CHRM3: variants seen among roughly 807,000 people sequenced by gnomAD.
CHRM3 encodes the protein cholinergic receptor muscarinic 3.
In CHRM3, 11 loss-of-function variants were observed where a neutral mutation model predicts 41.8. That is an observed-to-expected ratio of 0.26 (90% confidence interval 0.17 to 0.44). CHRM3 has a LOEUF of 0.44. Ranked by LOEUF, CHRM3 falls within the 20% of genes least tolerant of loss-of-function variation. The probability of loss-of-function intolerance (pLI) is 1.00; values close to 1 mark genes in which losing one functional copy is unlikely to be tolerated. For missense variants in CHRM3, 571 were observed against 745.4 expected, an observed-to-expected ratio of 0.77 and a Z score of 2.72; for synonymous variants, 297 against 301.4, an observed-to-expected ratio of 0.99 and a Z score of 0.15.
chr1:239,477,028 C>A (rs1180369787), intron 1 of CHRM3, among the ~76,000 whole-genome samples: 3 of 152,258 alleles, frequency 2.0e-5, no homozygotes, highest in South Asian at 2.1e-4. Flanking sequence ...GTATTCTGGG[C>A]TTTTGGATCA....
chr1:239,824,657 G>A lies in CHRM3; in HGVS notation c.-146-2595G>A, dbSNP rs559865073. ...ACAAGAAAATACTGACCAAAAGTCA[G>A]CCTTGTAAAACAGAGTTAGCTGTTA... On this transcript the variant is annotated intron_variant, in intron 5 of 6. Transcript: ENST00000676153. Among the ~76,000 whole-genome samples the A allele has an allele frequency of 1.2e-4, 18 of 152,290 alleles. No individual in the cohort carries two copies. In the South Asian group the frequency reaches 3.5e-3, roughly 30 times the overall value.
At chr1:239,538,662 A>G (rs970296097) in intron 2 of CHRM3, among the ~76,000 whole-genome samples, 2 of 152,252 alleles carry the variant, frequency 1.3e-5, no homozygotes, top group Non-Finnish European at 2.9e-5. Context: ...AGCATAGCAC[A>G]TGTGGAATAA....
intron 1 of CHRM3, among the ~76,000 whole-genome samples, chr1:239,410,727 G>A (rs896221561): frequency 6.6e-6 from 1 of 152,116 alleles, no homozygotes; most frequent in Non-Finnish European, 1.5e-5. Context: ...AAGATCCGCT[G>A]ACCCCTCTGG....
chr1:239,859,925 C>T (rs1675498399), intron 6 of CHRM3, among the ~76,000 whole-genome samples: 1 of 148,378 alleles, frequency 6.7e-6, no homozygotes, highest in African/African-American at 2.5e-5. Flanking sequence ...AAACAGTAAA[C>T]CAAAGAGAAC....
intron 6 of CHRM3, among the ~76,000 whole-genome samples, chr1:239,871,492 A>G (rs1443715760): frequency 3.9e-5 from 6 of 152,084 alleles, no homozygotes; most frequent in Non-Finnish European, 7.4e-5. Flanking sequence ...TGCCCGCCTC[A>G]GCCTCCCAAA....
intron 4 of CHRM3, among the ~76,000 whole-genome samples, chr1:239,655,891 A>G (rs1672666908): frequency 6.6e-6 from 1 of 152,252 alleles, no homozygotes; most frequent in African/African-American, 2.4e-5. Flanking sequence ...AATAGCAAAG[A>G]TGTGGAACTA....
chr1:239,675,242 A>T (rs1483714840), intron 4 of CHRM3, among the ~76,000 whole-genome samples: 1 of 152,170 alleles, frequency 6.6e-6, no homozygotes, highest in Non-Finnish European at 1.5e-5. Context: ...TAAATTGCTC[A>T]TTTTTGAATG....
intron 6 of CHRM3, among the ~76,000 whole-genome samples, chr1:239,834,835 A>T (rs1280222837): frequency 1.3e-5 from 2 of 152,196 alleles, no homozygotes; most frequent in African/African-American, 2.4e-5. Flanking sequence ...TCAATGTAAC[A>T]AAGTTCTCAA....
intron 5 of CHRM3, among the ~76,000 whole-genome samples, chr1:239,731,824 T>A (rs1236643952): frequency 6.6e-6 from 1 of 152,018 alleles, no homozygotes; most frequent in African/African-American, 2.4e-5. Flanking sequence ...TACTGTTGCC[T>A]CCAGGGTTTG....
chr1:239,635,418 C>G (rs1052052157), intron 4 of CHRM3, among the ~76,000 whole-genome samples: 1 of 152,168 alleles, frequency 6.6e-6, no homozygotes, highest in Non-Finnish European at 1.5e-5. Context: ...CCAAGCCTCC[C>G]TGTCTTTATT....
At chr1:239,614,707 T>C (rs921245325) in intron 3 of CHRM3, among the ~76,000 whole-genome samples, 4 of 152,302 alleles carry the variant, frequency 2.6e-5, no homozygotes, top group African/African-American at 4.8e-5. Context: ...TTTCCAATGA[T>C]GTTTGCTGCT....
intron 4 of CHRM3, among the ~76,000 whole-genome samples, chr1:239,673,574 G>C (rs1273058439): frequency 6.6e-6 from 1 of 151,914 alleles, no homozygotes; most frequent in Non-Finnish European, 1.5e-5. Flanking sequence ...ATATTTTAAT[G>C]GGTATAATTT....
At chr1:239,652,772 A>T (rs1672351496) in intron 4 of CHRM3, among the ~76,000 whole-genome samples, 2 of 152,008 alleles carry the variant, frequency 1.3e-5, no homozygotes, top group Non-Finnish European at 2.9e-5. Flanking sequence ...TTTGAGCCTT[A>T]TTTTCTTCCT....
Position 239,497,311 on chromosome 1 carries a change from G to A in CHRM3, c.-422+4504G>A, listed in dbSNP as rs115554810. On this transcript the variant is annotated intron_variant, in intron 2 of 6. Transcript: ENST00000676153. ...AAAAGTAAGTCAATTAAGTACATTA[G>A]TAAGCAGTTTTTCATGAAGAGTAAT... Among the ~76,000 whole-genome samples the A allele has an allele frequency of 9.5e-3, 1,450 of 152,252 alleles. 28 individuals are homozygous for A. The highest frequency in any genetic ancestry group is 0.034 in the African/African-American group (1,393 of 41,536).
At chr1:239,391,839 C>A (rs1221845190) in intron 1 of CHRM3, among the ~76,000 whole-genome samples, 1 of 152,176 alleles carries the variant, frequency 6.6e-6, no homozygotes, top group Non-Finnish European at 1.5e-5. Flanking sequence ...CTGGCAGATG[C>A]CTTGTGGGCT....
rs116431493 is a variant in CHRM3 at position 239,687,697 on chromosome 1, A to G, written c.-147+9409A>G. On this transcript the variant is annotated intron_variant, in intron 5 of 6. Coordinates refer to ENST00000676153, the MANE Select transcript of CHRM3 (RefSeq NM_001375978.1). The stretch of plus-strand genomic sequence containing the variant: ...TTCAGTCAAAGGCAGACCACAATAG[A>G]ACAGTGCTCCCATAACATAATAACT... 4.0e-3 allele frequency among the ~76,000 whole-genome samples: 607 copies of G among 152,282 alleles called. 3 individuals are homozygous for G. The highest frequency in any genetic ancestry group is 0.014 in the African/African-American group (582 of 41,570).
chr1:239,637,710 CTTTTTTTTTT>C (rs112810831), intron 4 of CHRM3, among the ~76,000 whole-genome samples: 1 of 109,568 alleles, frequency 9.1e-6, no homozygotes, highest in Non-Finnish European at 2.0e-5. Flanking sequence ...TCACATTTTT[CTTTTTTTTTT>C]TTTTGGGGAA....
chr1:239,517,379 C>T (rs1026957876), intron 2 of CHRM3, among the ~76,000 whole-genome samples: 4 of 152,180 alleles, frequency 2.6e-5, no homozygotes, highest in Admixed American at 6.5e-5. Context: ...CCCAAATTCA[C>T]ACAGCAGATA....
intron 2 of CHRM3, among the ~76,000 whole-genome samples, chr1:239,519,320 T>G (rs2148251829): frequency 6.6e-6 from 1 of 152,290 alleles, no homozygotes; most frequent in East Asian, 1.9e-4. Context: ...AATTCTAAAT[T>G]TAAACTAAAA....
Sources: allele counts gnomAD v4.1 joint callset (sites outside exome capture counted in the v4.1 genomes callset), GRCh38; gene constraint gnomAD v4.1.1; transcripts MANE v1.5; gene names NCBI Gene and HGNC (gene_info 2026-07-23, HGNC 2026-07-21).